Variants in MACROD2 observed in about 807,000 individuals in gnomAD.
MACROD2 encodes ADP-ribose glycohydrolase MACROD2.
In MACROD2, 36 loss-of-function variants were observed where a neutral mutation model predicts 70.4. The ratio of observed to expected loss-of-function variants is 0.51; its 90% confidence interval spans 0.39 to 0.68. MACROD2 has a LOEUF of 0.68. Among genes scored for constraint, MACROD2 ranks in the 30% least tolerant of loss-of-function variants. The pLI is 0.00. For synonymous variants in MACROD2, 172 were observed against 178.8 expected (o/e 0.96, Z 0.30); for missense variants, 496 against 538.4 (o/e 0.92, Z 0.78).
At chr20:14,870,386 T>C (rs2073474336) in intron 5 of MACROD2, among the ~76,000 whole-genome samples, 1 of 152,170 alleles carries the variant, frequency 6.6e-6, no homozygotes, top group African/African-American at 2.4e-5. Context: ...CTATCATGAA[T>C]AGTGCTACAA....
At chr20:14,695,140 C>T (rs1393368560) in intron 5 of MACROD2, among the ~76,000 whole-genome samples, 1 of 152,104 alleles carries the variant, frequency 6.6e-6, no homozygotes, top group Admixed American at 6.5e-5. Context: ...GAAATTTATT[C>T]TCTCTCAGTT....
chr20:14,298,661 C>T lies in MACROD2; in HGVS notation c.272-194818C>T, dbSNP rs6033939. Among the ~76,000 whole-genome samples, 870 of 151,268 alleles carry T rather than the reference C, an allele frequency of 5.8e-3. 26 individuals are homozygous for T. The highest frequency in any genetic ancestry group is 0.02 in the African/African-American group (822 of 41,018). ...GGATCTGAGCAAAGTCAATTGAAAA[C>T]TTTGTAGAGAAAGGAGTCACCATTC... On this transcript the variant is annotated intron_variant, in intron 3 of 17. Transcript: ENST00000684519.
In MACROD2 at chr20:14,738,801, TA is replaced by T. The variant is rs1163771290; in HGVS notation, c.418+53849del. On this transcript the variant is annotated intron_variant, in intron 5 of 17. Coordinates refer to ENST00000684519, the MANE Select transcript of MACROD2 (RefSeq NM_001351661.2). ...TAAAATTAAAAGAGAAATAATGACATAAAAAAATTCACAAGTATCCTTAATA... is the reference window on the plus strand; with the variant it reads ...TAAAATTAAAAGAGAAATAATGACATAAAAAATTCACAAGTATCCTTAATA... Among the ~76,000 whole-genome samples, 7 of 151,828 alleles carry T rather than the reference TA, an allele frequency of 4.6e-5. No individual in the cohort carries two copies. In the South Asian group the frequency reaches 1.2e-3, roughly 27 times the overall value.
At chr20:15,426,005 C>T (rs539186561) in intron 6 of MACROD2, among the ~76,000 whole-genome samples, 12 of 152,150 alleles carry the variant, frequency 7.9e-5, no homozygotes, top group South Asian at 2.1e-4. Context: ...GAAATGAAGA[C>T]GGACTTTCAA....
At chr20:15,275,967 C>T (rs767759100) in intron 6 of MACROD2, among the ~76,000 whole-genome samples, 2 of 152,084 alleles carry the variant, frequency 1.3e-5, no homozygotes, top group Non-Finnish European at 2.9e-5. Flanking sequence ...AGTGGGAATG[C>T]AAGGAGAAAG....
intron 6 of MACROD2, among the ~76,000 whole-genome samples, chr20:15,273,515 A>G (rs6079722): frequency 0.16 from 24,079 of 152,092 alleles, 2,046 homozygotes; most frequent in Non-Finnish European, 0.19. Flanking sequence ...TTTCTCTACA[A>G]TGAATTGCAA....
intron 3 of MACROD2, among the ~76,000 whole-genome samples, chr20:14,485,645 G>A (rs776597777): frequency 1.4e-5 from 2 of 144,288 alleles, no homozygotes; most frequent in Non-Finnish European, 3.0e-5. Context: ...AGCTTGCAGT[G>A]AGCCGAGATC....
At chr20:14,553,111 G>A (rs935498833) in intron 4 of MACROD2, among the ~76,000 whole-genome samples, 1 of 151,068 alleles carries the variant, frequency 6.6e-6, no homozygotes, top group Non-Finnish European at 1.5e-5. Context: ...CAAATACATT[G>A]TACAGTTGTA....
chr20:15,495,949 A>G (rs1429822399), intron 7 of MACROD2, among the ~76,000 whole-genome samples: 1 of 152,210 alleles, frequency 6.6e-6, no homozygotes, highest in African/African-American at 2.4e-5. Context: ...AAGAGGAAAG[A>G]GCATGAGCAA....
chr20:15,041,470 G>A (rs2075356205), intron 5 of MACROD2, among the ~76,000 whole-genome samples: 1 of 151,498 alleles, frequency 6.6e-6, no homozygotes, highest in Non-Finnish European at 1.5e-5. Context: ...TTTTGAGACA[G>A]GGTCTCACTC....
At chr20:15,183,459 G>A (rs903226631) in intron 5 of MACROD2, among the ~76,000 whole-genome samples, 2 of 151,838 alleles carry the variant, frequency 1.3e-5, no homozygotes, top group Non-Finnish European at 2.9e-5. Flanking sequence ...CCAGGAGTCT[G>A]AGGCTGCACA....
intron 5 of MACROD2, among the ~76,000 whole-genome samples, chr20:15,162,435 G>A (rs544820952): frequency 1.6e-3 from 243 of 152,004 alleles, no homozygotes; most frequent in African/African-American, 5.5e-3. Flanking sequence ...GGTGGTCCAG[G>A]AAAAAAATCC....
intron 4 of MACROD2, among the ~76,000 whole-genome samples, chr20:14,648,922 A>G (rs1985536320): frequency 6.6e-6 from 1 of 152,204 alleles, no homozygotes; most frequent in Non-Finnish European, 1.5e-5. Flanking sequence ...TCTGGAAAAT[A>G]CAGCAATAAA....
chr20:15,429,607 A>T (rs907279231), intron 6 of MACROD2, among the ~76,000 whole-genome samples: 20 of 152,112 alleles, frequency 1.3e-4, no homozygotes, highest in African/African-American at 4.8e-4. Context: ...AAGGCAGTAC[A>T]CATTTAGCCA....
At chr20:15,894,975 G>A (rs532514236) in intron 10 of MACROD2, among the ~76,000 whole-genome samples, 16 of 152,176 alleles carry the variant, frequency 1.1e-4, no homozygotes, top group African/African-American at 3.6e-4. Context: ...AATGAGCTGG[G>A]GCAAAGCAAT....
At chr20:15,265,994 A>G (rs1406942355) in intron 6 of MACROD2, among the ~76,000 whole-genome samples, 1 of 152,236 alleles carries the variant, frequency 6.6e-6, no homozygotes, top group Non-Finnish European at 1.5e-5. Flanking sequence ...TAGAAAACAC[A>G]ATGAAGGGAA....
chr20:14,073,044 G>A (rs1341144967), intron 2 of MACROD2, among the ~76,000 whole-genome samples: 1 of 151,948 alleles, frequency 6.6e-6, no homozygotes, highest in African/African-American at 2.4e-5. Flanking sequence ...TTATAAAGAT[G>A]AGATTACGCG....
chr20:15,069,632 G>T (rs1167005167), intron 5 of MACROD2, among the ~76,000 whole-genome samples: 1 of 152,214 alleles, frequency 6.6e-6, no homozygotes, highest in Non-Finnish European at 1.5e-5. Flanking sequence ...AGCTATAAGG[G>T]CCCCAGGTAC....
chr20:14,842,693 T>C (rs183149646), intron 5 of MACROD2, among the ~76,000 whole-genome samples: 3 of 152,264 alleles, frequency 2.0e-5, no homozygotes. Context: ...TTGATGTTCT[T>C]TGGCTTTCCA....
Sources: allele counts gnomAD v4.1 joint callset (sites outside exome capture counted in the v4.1 genomes callset), GRCh38; gene constraint gnomAD v4.1.1; transcripts MANE v1.5; gene names NCBI Gene and HGNC (gene_info 2026-07-23, HGNC 2026-07-21).